Variants in MACROD2 observed in about 807,000 individuals in gnomAD.
MACROD2 encodes the protein mono-ADP ribosylhydrolase 2.
A neutral mutation model predicts 70.4 loss-of-function variants in MACROD2; 36 were observed. That is an observed-to-expected ratio of 0.51 (90% CI 0.39 to 0.68). The LOEUF (loss-of-function observed/expected upper bound fraction) is 0.68. MACROD2 is among the 30% of genes least tolerant of loss of function. MACROD2 has a pLI of 0.00. For missense variants in MACROD2, 496 were observed against 538.4 expected, an observed-to-expected ratio of 0.92 and a Z score of 0.78; for synonymous variants, 172 against 178.8, an observed-to-expected ratio of 0.96 and a Z score of 0.30.
At chr20:14,385,616 A>G (rs370412792) in intron 3 of MACROD2, among the ~76,000 whole-genome samples, 3 of 152,216 alleles carry the variant, frequency 2.0e-5, no homozygotes, top group South Asian at 2.1e-4. Flanking sequence ...TTCCAAAACA[A>G]TCAAGGGCAG....
chr20:14,862,569 ATATAAATATATATG>A (rs2073370387), intron 5 of MACROD2, among the ~76,000 whole-genome samples: 1 of 43,028 alleles, frequency 2.3e-5, no homozygotes, highest in African/African-American at 8.8e-5. Flanking sequence ...ATATAAATAT[ATATAAATATATATG>A]TATAAATATA....
intron 12 of MACROD2, among the ~76,000 whole-genome samples, chr20:15,946,270 T>A (rs2065821407): frequency 6.6e-6 from 1 of 152,168 alleles, no homozygotes; most frequent in African/African-American, 2.4e-5. Flanking sequence ...TTATTCTGTA[T>A]ATGAAAATCC....
intron 5 of MACROD2, among the ~76,000 whole-genome samples, chr20:14,709,313 A>G (rs950179458): frequency 2.0e-5 from 3 of 152,060 alleles, no homozygotes; most frequent in African/African-American, 7.2e-5. Flanking sequence ...TTTTGGTTGT[A>G]AAAGACACCT....
At chr20:14,938,759 T>A (rs2074363571) in intron 5 of MACROD2, among the ~76,000 whole-genome samples, 1 of 151,806 alleles carries the variant, frequency 6.6e-6, no homozygotes. Flanking sequence ...CCAGCGTGGG[T>A]GACTGTCTCA....
At position 15,483,832 on chromosome 20, in the gene MACROD2, G is replaced by A. The variant is rs929182718; in HGVS notation, c.572-15942G>A. On this transcript the variant is annotated intron_variant, in intron 7 of 17. Transcript: ENST00000684519. ...TCATTTTCAGGTAGCTAATATAGAC[G>A]GTATTTTGTTTTTAATTTCAAAATC... Among the ~76,000 whole-genome samples, 16 of 151,582 alleles carry A rather than the reference G, an allele frequency of 1.1e-4. No homozygotes were observed. In the East Asian group the frequency reaches 1.2e-3, roughly 11 times the overall value.
chr20:16,052,291 C>T lies in MACROD2; in HGVS notation c.*2415C>T, dbSNP rs984173611. 1 of 152,190 alleles carries T rather than the reference C, an allele frequency of 6.6e-6. No individual in the cohort carries two copies. The highest frequency in any genetic ancestry group is 2.4e-5 in the African/African-American group (1 of 41,450). 9.4% of individuals were successfully genotyped at this position (152,190 alleles called of 1,614,324 possible). A position where few individuals can be genotyped will look rare whatever the true frequency, so the allele number is the denominator to read the frequency against. On this transcript the variant is annotated 3_prime_UTR_variant, in exon 18 of 18. Transcript: ENST00000684519. ...TCTAACTATAGCCAGATCAAAGACA[C>T]CTGAACACAGAAAACCTTTATTTGC...
chr20:14,329,739 A>G (rs1460024930), intron 3 of MACROD2, among the ~76,000 whole-genome samples: 1 of 151,804 alleles, frequency 6.6e-6, no homozygotes, highest in Non-Finnish European at 1.5e-5. Flanking sequence ...CTTTTTAGGC[A>G]TTTCTGAACA....
At chr20:14,988,274 G>T (rs2074867245) in intron 5 of MACROD2, among the ~76,000 whole-genome samples, 3 of 140,740 alleles carry the variant, frequency 2.1e-5, no homozygotes, top group South Asian at 4.6e-4. Flanking sequence ...TGAGGCAGAA[G>T]AATTGCTTTT....
chr20:14,093,313 C>G (rs1450965346), intron 3 of MACROD2, among the ~76,000 whole-genome samples: 3 of 151,910 alleles, frequency 2.0e-5, no homozygotes, highest in African/African-American at 7.3e-5. Context: ...TCTTGAACTC[C>G]TAGCTTCAAG....
chr20:14,926,041 A>G (rs1411291787), intron 5 of MACROD2, among the ~76,000 whole-genome samples: 1 of 152,212 alleles, frequency 6.6e-6, no homozygotes, highest in African/African-American at 2.4e-5. Flanking sequence ...ATGGTCATTG[A>G]GAAAATGAAA....
At chr20:14,654,108 T>G (rs1162144806) in intron 4 of MACROD2, among the ~76,000 whole-genome samples, 1 of 150,520 alleles carries the variant, frequency 6.6e-6, no homozygotes, top group African/African-American at 2.4e-5. Flanking sequence ...GCACATAATA[T>G]ATTATAATAA....
At chr20:15,130,560 A>G (rs1297431750) in intron 5 of MACROD2, among the ~76,000 whole-genome samples, 1 of 152,124 alleles carries the variant, frequency 6.6e-6, no homozygotes, top group African/African-American at 2.4e-5. Context: ...CAAGAGAGTA[A>G]TATTTTTTCC....
chr20:15,123,002 G>C (rs1304815267), intron 5 of MACROD2, among the ~76,000 whole-genome samples: 2 of 152,152 alleles, frequency 1.3e-5, no homozygotes, highest in African/African-American at 4.8e-5. Context: ...ATTTAGGGCT[G>C]TGCTGCTCAA....
At chr20:15,611,770 T>C (rs561936767) in intron 8 of MACROD2, among the ~76,000 whole-genome samples, 73 of 150,724 alleles carry the variant, frequency 4.8e-4, no homozygotes, top group African/African-American at 1.7e-3. Flanking sequence ...TATTTATGCA[T>C]CTGTTGTAGG....
intron 3 of MACROD2, among the ~76,000 whole-genome samples, chr20:14,278,950 A>G (rs530105914): frequency 6.6e-6 from 1 of 152,238 alleles, no homozygotes; most frequent in Non-Finnish European, 1.5e-5. Context: ...CATTGTTACT[A>G]TAATACAGAG....
chr20:15,576,544 C>T (rs1162694696), intron 8 of MACROD2, among the ~76,000 whole-genome samples: 1 of 128,592 alleles, frequency 7.8e-6, no homozygotes, highest in East Asian at 2.2e-4. Flanking sequence ...TTGTTTTCTG[C>T]ACAAAATGTT....
chr20:15,422,370 A>G (rs980939448), intron 6 of MACROD2, among the ~76,000 whole-genome samples: 1 of 152,198 alleles, frequency 6.6e-6, no homozygotes, highest in Non-Finnish European at 1.5e-5. Flanking sequence ...AGATCTGCCT[A>G]TACCTGTCTT....
rs199644824 is a variant in MACROD2, at chr20:13,995,820, C to G, written c.46+11C>G. 1 of 1,243,254 alleles carries G rather than the reference C, an allele frequency of 8.0e-7. No individual in the cohort carries two copies. The highest frequency in any genetic ancestry group is 1.1e-6 in the Non-Finnish European group (1 of 910,056). 77.0% of individuals were successfully genotyped at this position (1,243,254 alleles called of 1,614,324 possible). ...GGAGAGAGGAGAAAGGTAACCGGCCCGTCGAGTCCTGGGGGTGCGGGCGGT... is the reference window on the plus strand; with the variant it reads ...GGAGAGAGGAGAAAGGTAACCGGCCGGTCGAGTCCTGGGGGTGCGGGCGGT... On this transcript the variant is annotated intron_variant, in intron 1 of 17. Coordinates refer to ENST00000684519, the MANE Select transcript of MACROD2 (RefSeq NM_001351661.2). This position sits in a 1 kb window ranked among gnomAD's most constrained non-coding sequence, Gnocchi z 4.3.
At chr20:15,825,942 C>T (rs1230458320) in intron 8 of MACROD2, among the ~76,000 whole-genome samples, 1 of 152,158 alleles carries the variant, frequency 6.6e-6, no homozygotes, top group Non-Finnish European at 1.5e-5. Flanking sequence ...TTCAAATTCT[C>T]TGCCCAAATC....
Sources: allele counts gnomAD v4.1 joint callset (sites outside exome capture counted in the v4.1 genomes callset), GRCh38; gene constraint gnomAD v4.1.1; non-coding constraint Gnocchi (gnomAD v3.1); transcripts MANE v1.5; gene names NCBI Gene and HGNC (gene_info 2026-07-23, HGNC 2026-07-21).